ARMCX4: variants seen among roughly 807,000 people sequenced by gnomAD.
ARMCX4 encodes armadillo repeat-containing X-linked protein 4.
ARMCX4 carries 3 observed loss-of-function variants against 34.7 expected under a neutral mutation model. That is an observed-to-expected ratio of 0.09 (90% CI 0.04 to 0.22). The LOEUF is 0.22. Among genes scored for constraint, ARMCX4 ranks in the 10% least tolerant of loss-of-function variants. The pLI is 1.00. For missense variants in ARMCX4, 1,448 were observed against 1,720.8 expected, an observed-to-expected ratio of 0.84 and a Z score of 2.81; for synonymous variants, 513 against 632.8, an observed-to-expected ratio of 0.81 and a Z score of 2.84.
At chrX:101,439,935 G>T (rs1931137077) in intron 2 of ARMCX4, among the ~76,000 whole-genome samples, 1 of 111,272 alleles carries the variant, frequency 9.0e-6, no homozygotes, top group African/African-American at 3.3e-5. Flanking sequence ...TCCTCCTTTA[G>T]CTCGGAGTAG....
chrX:101,464,722 C>A (rs1556001719), intron 4 of ARMCX4, among the ~76,000 whole-genome samples: 2 of 111,674 alleles, frequency 1.8e-5, no homozygotes, highest in African/African-American at 6.5e-5. Context: ...GAATGGTGCA[C>A]ATATATTATG....
intron 2 of ARMCX4, among the ~76,000 whole-genome samples, chrX:101,433,055 C>T (rs782657548): frequency 1.8e-5 from 2 of 108,790 alleles, no homozygotes; most frequent in African/African-American, 3.3e-5. Context: ...CATATGTATA[C>T]ATACACGTGT....
intron 12 of ARMCX4, chrX:101,532,063 C>A (rs1301131208): frequency 8.9e-6 from 1 of 111,819 alleles, no homozygotes; most frequent in Non-Finnish European, 1.9e-5. Context: ...ACTTACTTTA[C>A]CATGCAGAAG....
At chrX:101,506,717 A>G (rs782381454) in intron 8 of ARMCX4, among the ~76,000 whole-genome samples, 25 of 111,283 alleles carry the variant, frequency 2.2e-4, no homozygotes, top group Non-Finnish European at 3.2e-4. Context: ...CATTCAGTCC[A>G]TAATGGTTCT....
chrX:101,495,719 C>T lies in ARMCX4; in HGVS notation c.*257C>T. ...ATGGATTCTTCATAAGTAAGGTAAT[C>T]TTTGGTCCTTTGTGTGGACTTATGT... On this transcript the variant is annotated 3_prime_UTR_variant, in exon 6 of 6. Transcript: ENST00000423738. The T allele has an allele frequency of 3.7e-6, 1 of 266,928 alleles. No homozygotes were observed. The highest frequency in any genetic ancestry group is 6.1e-5 in the East Asian group (1 of 16,350). The allele number at this position is 266,928 out of a possible 1,213,427, so 22.0% of individuals were successfully genotyped here. A position where few individuals can be genotyped will look rare whatever the true frequency, so the allele number is the denominator to read the frequency against.
chrX:101,525,887 G>T (rs1215348175), intron 11 of ARMCX4, among the ~76,000 whole-genome samples: 1 of 111,663 alleles, frequency 9.0e-6, no homozygotes, highest in Non-Finnish European at 1.9e-5. Flanking sequence ...TGAGAGAATG[G>T]AACCAAGTTC....
chrX:101,458,901 T>C (rs1164948493), intron 4 of ARMCX4, among the ~76,000 whole-genome samples: 4 of 112,185 alleles, frequency 3.6e-5, no homozygotes, highest in Admixed American at 1.9e-4. Context: ...AAAATTAAAA[T>C]GGAATGGGGT....
intron 2 of ARMCX4, among the ~76,000 whole-genome samples, chrX:101,430,866 A>G (rs1469498390): frequency 1.8e-5 from 2 of 111,992 alleles, no homozygotes; most frequent in Non-Finnish European, 3.8e-5. Context: ...CTGTGTTACT[A>G]GCAAGCAGCT....
downstream of ARMCX4, among the ~76,000 whole-genome samples, chrX:101,450,017 G>T (rs375045638): frequency 8.9e-6 from 1 of 111,799 alleles, no homozygotes; most frequent in Non-Finnish European, 1.9e-5. Flanking sequence ...TGGATTACCC[G>T]GAAGAGACTC....
In ARMCX4 at chrX:101,441,591, T is replaced by TACACACAC. The variant is rs10631945; in HGVS notation, n.165-2450_165-2443dup. On this transcript the variant is annotated intron_variant and non_coding_transcript_variant, in intron 2 of 3. Coordinates refer to the ARMCX4 transcript ENST00000430461. ...GCACACACATGTTAATATACATACATACACACACACACACACACCACCAGT... is the reference window on the plus strand; with the variant it reads ...GCACACACATGTTAATATACATACATACACACACACACACACACACACACACCACCAGT... 4.5e-4 allele frequency among the ~76,000 whole-genome samples: 47 copies of TACACACAC among 104,750 alleles called. No homozygotes were observed. In the South Asian group the frequency reaches 5.2e-3, roughly 12 times the overall value. The allele number at this position is 104,750 out of a possible 115,157, so 91.0% of individuals were successfully genotyped here.
chrX:101,432,857 T>C (rs1569314585), intron 2 of ARMCX4, among the ~76,000 whole-genome samples: 2 of 96,899 alleles, frequency 2.1e-5, no homozygotes, highest in Non-Finnish European at 4.2e-5. Flanking sequence ...TGTGTATATA[T>C]ACACGTATAT....
At chrX:101,433,735 A>T (rs1214188041) in intron 2 of ARMCX4, among the ~76,000 whole-genome samples, 1 of 111,282 alleles carries the variant, frequency 9.0e-6, no homozygotes, top group Non-Finnish European at 1.9e-5. Flanking sequence ...TTGAGTACAG[A>T]AAACAGGACA....
At chrX:101,508,064 G>T (rs905161489) in intron 8 of ARMCX4, among the ~76,000 whole-genome samples, 4 of 112,127 alleles carry the variant, frequency 3.6e-5, no homozygotes, top group Middle Eastern at 4.2e-3. Context: ...ACAGTAACAC[G>T]CTGTTCAGGT....
intron 3 of ARMCX4, among the ~76,000 whole-genome samples, chrX:101,445,235 A>G (rs1555997744): frequency 8.9e-6 from 1 of 112,132 alleles, no homozygotes; most frequent in African/African-American, 3.2e-5. Flanking sequence ...TATATTTGCT[A>G]TCCTGGATTT....
At chrX:101,441,725 G>T (rs193144189) in intron 2 of ARMCX4, among the ~76,000 whole-genome samples, 2 of 111,496 alleles carry the variant, frequency 1.8e-5, no homozygotes, top group African/African-American at 3.3e-5. Context: ...AATTATGTGC[G>T]TGAACTAGTT....
At chrX:101,439,846 C>G (rs1319876325) in intron 2 of ARMCX4, among the ~76,000 whole-genome samples, 30 of 111,787 alleles carry the variant, frequency 2.7e-4, no homozygotes, top group Non-Finnish European at 5.1e-4. Flanking sequence ...TTAAGGACTT[C>G]TCTGCATTGG....
At chrX:101,463,015 TTCCCTTGCAAAGCCC>T (rs1471992552) in intron 4 of ARMCX4, among the ~76,000 whole-genome samples, 1 of 111,680 alleles carries the variant, frequency 9.0e-6, no homozygotes, top group Non-Finnish European at 1.9e-5. Flanking sequence ...CCTTTCCTCC[TTCCCTTGCAAAGCCC>T]TCTGTCCTGA....
rs1556010511 is a variant in ARMCX4, at chrX:101,493,742, G to A, written c.5153G>A (p.Ser1718Asn). Residue 1718 changes from serine to asparagine, a missense_variant, in exon 6 of 6, where the codon AGT becomes AAT. Around this residue, in one of 2 missense-constraint regions of ARMCX4, gnomAD observed 1,343 missense variants for 1,540.7 expected, o/e 0.87. Transcript: ENST00000423738. ...TGGGCTAGATCTGAGGACCAGGCCA[G>A]TGGAAGGTTCCAGGTCAGTTTTGAG... ...GSWARSEDQASGRFQVSFEVE... is the reference protein window; with the variant it reads ...GSWARSEDQANGRFQVSFEVE... The A allele has an allele frequency of 1.7e-6, 2 of 1,154,844 alleles. No homozygotes were observed. Among genetic ancestry groups the A allele is most frequent in the Admixed American group, 5.2e-5 (2 of 38,565 alleles).
intron 4 of ARMCX4, among the ~76,000 whole-genome samples, chrX:101,475,915 C>A (rs1450677019): frequency 9.0e-6 from 1 of 111,120 alleles, no homozygotes; most frequent in African/African-American, 3.3e-5. Flanking sequence ...GGAGGCTTAG[C>A]ACACCTTTTT....
Sources: gnomAD v4.1 joint callset for allele counts (sites outside exome capture counted in the v4.1 genomes callset) on GRCh38, gnomAD v4.1.1 for gene constraint, gnomAD v4.1.1 regional missense constraint, MANE v1.5 for transcripts, NCBI Gene and HGNC (gene_info 2026-07-23, HGNC 2026-07-21) for gene names.